The following ADGRV1 variants were observed in gnomAD, a reference collection of about 807,000 sequenced individuals.
ADGRV1 encodes adhesion G protein-coupled receptor V1, also known as G-protein coupled receptor 98.
Under a neutral mutation model 596.2 loss-of-function variants are expected in ADGRV1, and 359 were observed. The ratio of observed to expected loss-of-function variants is 0.60; its 90% CI spans 0.55 to 0.66. The LOEUF is 0.66. Among genes scored for constraint, ADGRV1 ranks in the 30% least tolerant of loss-of-function variants. ADGRV1 has a pLI of 0.00. For missense variants in ADGRV1, 7,274 were observed against 7,575.6 expected, an observed-to-expected ratio of 0.96 and a Z score of 1.48; for synonymous variants, 2,681 against 2,679.2, an observed-to-expected ratio of 1.00 and a Z score of -0.02.
intron 87 of ADGRV1, among the ~76,000 whole-genome samples, chr5:91,108,675 GC>G (rs1269771294): frequency 2.7e-4 from 41 of 152,126 alleles, no homozygotes; most frequent in Admixed American, 2.7e-3. Context: ...GCTCATTGCA[GC>G]CTTGAACTCC....
At chr5:90,732,117 C>A (rs1167581325) in intron 50 of ADGRV1, among the ~76,000 whole-genome samples, 2 of 152,142 alleles carry the variant, frequency 1.3e-5, no homozygotes, top group Non-Finnish European at 2.9e-5. Flanking sequence ...ACTCCCACCT[C>A]AGCCTCCTGA....
chr5:90,980,243 A>G (rs1779975252), intron 84 of ADGRV1, among the ~76,000 whole-genome samples: 1 of 152,174 alleles, frequency 6.6e-6, no homozygotes, highest in South Asian at 2.1e-4. Flanking sequence ...AGATGAGACT[A>G]TTTAGTAACA....
chr5:90,629,588 A>G (rs752174904), intron 9 of ADGRV1, 49 bp downstream of exon 9: 5 of 1,255,184 alleles, frequency 4.0e-6, no homozygotes, highest in East Asian at 2.3e-5. Context: ...CTTCAAGTGT[A>G]CTAACCTGTG....
Position 90,996,816 on chromosome 5 carries a change from G to A in ADGRV1, c.18152+11294G>A, listed in dbSNP as rs192963299. Among the ~76,000 whole-genome samples, 450 of 152,304 alleles carry A rather than the reference G, an allele frequency of 3.0e-3. 2 individuals are homozygous for A. The highest frequency in any genetic ancestry group is 0.011 in the African/African-American group (439 of 41,560). Reference sequence around the variant, plus strand: ...GGAGCCCACGCCTAGTGTCAGTGTGGCCTGGATGTGAGACATAGAATCAAA... The same window carrying A: ...GGAGCCCACGCCTAGTGTCAGTGTGACCTGGATGTGAGACATAGAATCAAA... On this transcript the variant is annotated intron_variant, in intron 85 of 89. Transcript: ENST00000405460.
intron 85 of ADGRV1, among the ~76,000 whole-genome samples, chr5:90,994,989 T>C (rs1156934982): frequency 6.6e-6 from 1 of 152,150 alleles, no homozygotes; most frequent in Non-Finnish European, 1.5e-5. Context: ...AGTCAACCAG[T>C]GGTAAGAGAG....
At chr5:90,889,352 G>T (rs1047192054) in intron 83 of ADGRV1, among the ~76,000 whole-genome samples, 1 of 152,084 alleles carries the variant, frequency 6.6e-6, no homozygotes, top group Non-Finnish European at 1.5e-5. Context: ...TGGTTTAGTT[G>T]AATTAACATC....
In ADGRV1 at chr5:91,150,630, C is replaced by G. The variant is rs1795972099; in HGVS notation, c.18624+409C>G. On this transcript the variant is annotated intron_variant, in intron 88 of 89. Coordinates refer to ENST00000405460, the MANE Select transcript of ADGRV1 (RefSeq NM_032119.4). The stretch of plus-strand genomic sequence containing the variant: ...TTTTCCTAAAAATACTTTCATAGCT[C>G]TCTTCCTCCACCCATTCCAACTCAC... Among the ~76,000 whole-genome samples the G allele has an allele frequency of 2.6e-5, 4 of 152,282 alleles. No homozygotes were observed. In the South Asian group the frequency reaches 8.3e-4, roughly 32 times the overall value.
At chr5:90,609,178 A>G (rs932635022) in intron 1 of ADGRV1, among the ~76,000 whole-genome samples, 4 of 152,078 alleles carry the variant, frequency 2.6e-5, no homozygotes, top group Non-Finnish European at 5.9e-5. Flanking sequence ...AATGAAGTTG[A>G]TAACTGGGAT....
intron 83 of ADGRV1, among the ~76,000 whole-genome samples, chr5:90,871,089 A>C (rs1234673378): frequency 6.6e-6 from 1 of 152,064 alleles, no homozygotes; most frequent in Non-Finnish European, 1.5e-5. Flanking sequence ...ACTTTATGTA[A>C]ACTTGCAATC....
intron 1 of ADGRV1, among the ~76,000 whole-genome samples, chr5:90,574,547 T>C (rs7716706): frequency 0.072 from 10,926 of 152,176 alleles, 1,287 homozygotes; most frequent in African/African-American, 0.25. Flanking sequence ...GGAGCCTTTT[T>C]GTGGAGTCTT....
At chr5:90,588,965 T>C (rs1759126541) in intron 1 of ADGRV1, among the ~76,000 whole-genome samples, 1 of 152,156 alleles carries the variant, frequency 6.6e-6, no homozygotes, top group Non-Finnish European at 1.5e-5. Flanking sequence ...AATCAGGAAT[T>C]AAAAGAGCAT....
At chr5:91,068,638 A>G (rs1169045088) in intron 85 of ADGRV1, among the ~76,000 whole-genome samples, 1 of 152,140 alleles carries the variant, frequency 6.6e-6, no homozygotes, top group Non-Finnish European at 1.5e-5. Context: ...ATAATACATG[A>G]CACAAACAAT....
intron 85 of ADGRV1, among the ~76,000 whole-genome samples, chr5:90,993,347 CG>C (rs1364751279): frequency 6.6e-6 from 1 of 151,648 alleles, no homozygotes. Flanking sequence ...TTAGTAGAGA[CG>C]GGGTTTCACC....
At chr5:90,953,754 T>C (rs898849117) in intron 83 of ADGRV1, among the ~76,000 whole-genome samples, 14 of 152,254 alleles carry the variant, frequency 9.2e-5, no homozygotes, top group African/African-American at 3.1e-4. Flanking sequence ...AAAACTAATA[T>C]GTGCCATTTC....
chr5:91,012,794 A>G (rs772290081), intron 85 of ADGRV1, among the ~76,000 whole-genome samples: 9 of 151,966 alleles, frequency 5.9e-5, no homozygotes, highest in Admixed American at 2.6e-4. Flanking sequence ...AATTTGTGTC[A>G]TGAGGGGTTG....
At chr5:90,685,554 C>T (rs1745494484) in intron 28 of ADGRV1, among the ~76,000 whole-genome samples, 1 of 151,634 alleles carries the variant, frequency 6.6e-6, no homozygotes, top group South Asian at 2.1e-4. Flanking sequence ...CACTACACTC[C>T]AACACTCCAG....
chr5:90,815,628 T>C lies in ADGRV1; in HGVS notation c.16088T>C (p.Leu5363Pro). The change falls in exon 75 of 90, where the codon CTT becomes CCT. Residue 5363 changes from leucine (L) to proline (P), a missense_variant. Around this residue, in one of 5 missense-constraint regions of ADGRV1, gnomAD observed 1,874 missense variants for 1,970.2 expected, o/e 0.95. Transcript: ENST00000405460. The stretch of plus-strand genomic sequence containing the variant: ...CCATTCTTTTTTTCAGGGAGTGACC[T>C]TCACAATGGCATCATAGGATTCAGT... The part of the protein sequence containing the change: ...FAMVIITGSD[L>P]HNGIIGFSEE... 6.4e-7 allele frequency: 1 copy of C among 1,556,894 alleles called. No homozygotes were observed. Among genetic ancestry groups the C allele is most frequent in the African/African-American group, 1.4e-5 (1 of 73,768 alleles).
intron 83 of ADGRV1, among the ~76,000 whole-genome samples, chr5:90,889,248 T>A (rs1451667968): frequency 1.3e-5 from 2 of 152,146 alleles, no homozygotes; most frequent in Non-Finnish European, 1.5e-5. Flanking sequence ...ATCTTTTAAG[T>A]GTTTGTCTTT....
intron 1 of ADGRV1, among the ~76,000 whole-genome samples, chr5:90,581,883 C>G (rs1220471872): frequency 6.6e-6 from 1 of 152,160 alleles, no homozygotes; most frequent in Non-Finnish European, 1.5e-5. Context: ...TAAATTGTGT[C>G]TCTACTCTCA....
Sources: gnomAD v4.1 joint callset for allele counts (sites outside exome capture counted in the v4.1 genomes callset) on GRCh38, gnomAD v4.1.1 for gene constraint, gnomAD v4.1.1 regional missense constraint, MANE v1.5 for transcripts, NCBI Gene and HGNC (gene_info 2026-07-23, HGNC 2026-07-21) for gene names.